The following NCOR1 variants were observed in gnomAD, a reference collection of about 807,000 sequenced individuals.
NCOR1 encodes protein phosphatase 1, regulatory subunit 109.
NCOR1 carries 63 observed loss-of-function variants against 288.1 expected under a neutral mutation model. The ratio of observed to expected loss-of-function variants is 0.22; its 90% CI spans 0.18 to 0.27. The LOEUF is 0.27. Among genes scored for constraint, NCOR1 ranks in the 10% least tolerant of loss-of-function variants. The probability of loss-of-function intolerance (pLI) is 1.00; values close to 1 mark genes in which losing one functional copy is unlikely to be tolerated. For missense variants in NCOR1, 2,397 were observed against 3,019.2 expected, an observed-to-expected ratio of 0.79 and a Z score of 4.83; for synonymous variants, 1,007 against 1,065.9, an observed-to-expected ratio of 0.94 and a Z score of 1.08.
intron 1 of NCOR1, among the ~76,000 whole-genome samples, chr17:16,207,314 G>A (rs909891904): frequency 6.6e-6 from 1 of 152,156 alleles, no homozygotes; most frequent in African/African-American, 2.4e-5. Flanking sequence ...AAATTACTCT[G>A]AATGTGAACT....
intron 20 of NCOR1, 196 bp from the exon 21 acceptor site, chr17:16,098,692 A>C: frequency 2.4e-6 from 1 of 410,802 alleles, no homozygotes; most frequent in Non-Finnish European, 4.2e-6. Flanking sequence ...CCAGATAAAG[A>C]AACTGAATAT....
intron 1 of NCOR1, among the ~76,000 whole-genome samples, chr17:16,199,067 C>A (rs1354991299): frequency 6.6e-6 from 1 of 151,612 alleles, no homozygotes; most frequent in Non-Finnish European, 1.5e-5. Context: ...AGTTAAGTGA[C>A]TTGTCCATTT....
At position 16,075,696 on chromosome 17, in the gene NCOR1, G is replaced by C; in HGVS notation, c.3508C>G (p.Pro1170Ala). 6.2e-7 allele frequency: 1 copy of C among 1,614,034 alleles called. No homozygotes were observed. The highest frequency in any genetic ancestry group is 8.5e-7 in the Non-Finnish European group (1 of 1,179,988). The change falls in exon 27 of 46, where the codon CCG (proline) becomes GCG (alanine). Residue 1170 changes from proline (P) to alanine (A), a missense_variant. By Grantham distance (27) the Pro-to-Ala change is conservative. Coordinates refer to ENST00000268712, the MANE Select transcript of NCOR1 (RefSeq NM_006311.4). ...SLRGSITQGT[P>A]ALPQTGIPTE... ...GGTATGCCAGTCTGGGGCAGAGCCG[G>C]GGTGCCCTGCCATCAAATCAAGCAT...
chr17:16,093,849 T>G (rs535023247), intron 21 of NCOR1, among the ~76,000 whole-genome samples: 1 of 152,334 alleles, frequency 6.6e-6, no homozygotes, highest in East Asian at 1.9e-4. Flanking sequence ...ACATCCATAG[T>G]ATTTTTTAAC....
At chr17:16,163,314 A>G (rs890480870) in intron 5 of NCOR1, among the ~76,000 whole-genome samples, 3 of 152,220 alleles carry the variant, frequency 2.0e-5, no homozygotes, top group African/African-American at 7.2e-5. Flanking sequence ...GAATTCTTAG[A>G]ATAACAAAAA....
chr17:16,033,355 A>AAAAAC (rs1972842886), intron 45 of NCOR1, among the ~76,000 whole-genome samples: 1 of 150,716 alleles, frequency 6.6e-6, no homozygotes. Context: ...AAAAAAAAAA[A>AAAAAC]CCCAAAAACA....
rs2061593991 is a variant in NCOR1, at chr17:16,070,209, T to C, written c.4469A>G (p.Asn1490Ser). 1 of 1,613,894 alleles carries C rather than the reference T, an allele frequency of 6.2e-7. No individual in the cohort carries two copies. The highest frequency in any genetic ancestry group is 8.5e-7 in the Non-Finnish European group (1 of 1,179,970). ...CATGGGTGAGCCTCTGGACATGGTGTTTTGATAACTCACAGGGGTCCTCCG... is the reference window on the plus strand; with the variant it reads ...CATGGGTGAGCCTCTGGACATGGTGCTTTGATAACTCACAGGGGTCCTCCG... Reference protein sequence around the residue: ...SARRTPVSYQNTMSRGSPMMN... With the variant: ...SARRTPVSYQSTMSRGSPMMN... Residue 1490 changes from asparagine (N) to serine (S), a missense_variant, in exon 31 of 46, where the codon AAC becomes AGC. Asn to Ser is a conservative substitution (Grantham distance 46). Around this residue, in one of 11 missense-constraint regions of NCOR1, gnomAD observed 1,872 missense variants for 2,187.8 expected, o/e 0.86. Coordinates refer to ENST00000268712, the MANE Select transcript of NCOR1 (RefSeq NM_006311.4).
chr17:16,058,434 T>A, intron 38 of NCOR1, 37 bp downstream of exon 38: 1 of 1,604,200 alleles, frequency 6.2e-7, no homozygotes, highest in Non-Finnish European at 8.5e-7. Flanking sequence ...TAAATGCAAA[T>A]ATGAAAACAT....
chr17:16,112,859 AG>A (rs1376517128), intron 18 of NCOR1, among the ~76,000 whole-genome samples: 1 of 152,172 alleles, frequency 6.6e-6, no homozygotes, highest in Non-Finnish European at 1.5e-5. Context: ...ACTAAAACTA[AG>A]AAAACTTCAA....
intron 1 of NCOR1, among the ~76,000 whole-genome samples, chr17:16,200,450 T>C (rs78198003): frequency 1.6e-5 from 2 of 124,526 alleles, no homozygotes; most frequent in Non-Finnish European, 3.1e-5. Context: ...TGAGCTGGCA[T>C]CGTGCCACTG....
At chr17:16,091,295 C>T (rs1158459687) in intron 22 of NCOR1, among the ~76,000 whole-genome samples, 3 of 152,218 alleles carry the variant, frequency 2.0e-5, no homozygotes, top group Non-Finnish European at 2.9e-5. Context: ...ATACCGAATG[C>T]TCCTTCCTTA....
intron 19 of NCOR1, among the ~76,000 whole-genome samples, chr17:16,106,884 T>TATATATATATATC (rs58380966): frequency 3.1e-5 from 1 of 32,706 alleles, no homozygotes; most frequent in Non-Finnish European, 5.2e-5. Context: ...TATATATATA[T>TATATATATATATC]TTTTTTTTTT....
chr17:16,159,413 CAAAAAAAAAAAA>C (rs35243097), intron 5 of NCOR1, among the ~76,000 whole-genome samples: 2 of 66,296 alleles, frequency 3.0e-5, no homozygotes, highest in Non-Finnish European at 2.8e-5. Context: ...AACTCTATCT[CAAAAAAAAAAAA>C]AAAAAAAAAA....
intron 23 of NCOR1, among the ~76,000 whole-genome samples, chr17:16,085,616 A>G (rs1476560165): frequency 6.6e-6 from 1 of 152,216 alleles, no homozygotes; most frequent in East Asian, 1.9e-4. Flanking sequence ...AAAAGAGTAC[A>G]CCATGTTTGA....
At chr17:16,118,082 CAA>C (rs755870512) in intron 17 of NCOR1, 55 bp from the exon 18 acceptor site, 13 of 1,544,006 alleles carry the variant, frequency 8.4e-6, no homozygotes, top group South Asian at 1.2e-5. Flanking sequence ...ATCAAGCAAA[CAA>C]GAGAAATAAT....
chr17:16,161,740 G>A (rs2153429345), intron 5 of NCOR1, among the ~76,000 whole-genome samples: 1 of 152,190 alleles, frequency 6.6e-6, no homozygotes, highest in Middle Eastern at 3.4e-3. Context: ...ATCCAGCTAT[G>A]GCATATTTCT....
rs148667539 is a variant in NCOR1, at chr17:16,180,702, C to T, written c.242+5852G>A. ...GGTCCAGGCTGCAGTGAGCCATGAT[C>T]ATGCCACTGTACTCCAGCCTGAGTG... On this transcript the variant is annotated intron_variant, in intron 3 of 45. Transcript: ENST00000268712. Among the ~76,000 whole-genome samples, 777 of 152,056 alleles carry T rather than the reference C, an allele frequency of 5.1e-3. 4 individuals are homozygous for T. The highest frequency in any genetic ancestry group is 8.0e-3 in the Non-Finnish European group (545 of 67,980).
intron 21 of NCOR1, among the ~76,000 whole-genome samples, chr17:16,095,571 C>A (rs1362973662): frequency 7.9e-6 from 1 of 126,786 alleles, no homozygotes; most frequent in Non-Finnish European, 1.7e-5. Context: ...CCAGCCGCCC[C>A]GTACAGGAGG....
At chr17:16,092,859 C>CAACT (rs1340457615) in intron 21 of NCOR1, among the ~76,000 whole-genome samples, 10 of 150,268 alleles carry the variant, frequency 6.7e-5, no homozygotes, top group Admixed American at 6.0e-4. Flanking sequence ...CCACCACACC[C>CAACT]AACTAATTTT....
Sources: gnomAD v4.1 joint callset for allele counts (sites outside exome capture counted in the v4.1 genomes callset) on GRCh38, gnomAD v4.1.1 for gene constraint, gnomAD v4.1.1 regional missense constraint, MANE v1.5 for transcripts, NCBI Gene and HGNC (gene_info 2026-07-23, HGNC 2026-07-21) for gene names.